CCSER1: variants seen among roughly 807,000 people sequenced by gnomAD.
The protein encoded by CCSER1 is coiled-coil serine rich protein 1.
CCSER1 carries 41 observed loss-of-function variants against 82.0 expected under a neutral mutation model. The ratio of observed to expected loss-of-function variants is 0.50; its 90% CI spans 0.39 to 0.65. The LOEUF (loss-of-function observed/expected upper bound fraction) is 0.65. CCSER1 is among the 30% of genes least tolerant of loss of function. The pLI is 0.00. For synonymous variants in CCSER1, 414 were observed against 383.9 expected (o/e 1.08, Z -0.92); for missense variants, 1,119 against 1,064.2 (o/e 1.05, Z -0.72).
At chr4:90,554,651 AG>A (rs1428553636) in intron 5 of CCSER1, among the ~76,000 whole-genome samples, 1 of 152,212 alleles carries the variant, frequency 6.6e-6, no homozygotes, top group Non-Finnish European at 1.5e-5. Flanking sequence ...CAGGAGCTAA[AG>A]TATAACGGAG....
chr4:91,172,671 C>A (rs1178335669), intron 10 of CCSER1, among the ~76,000 whole-genome samples: 2 of 152,098 alleles, frequency 1.3e-5, no homozygotes, highest in Non-Finnish European at 2.9e-5. Context: ...ACACGCGAGG[C>A]AGAAGCAATA....
chr4:90,148,604 C>G (rs982410171), intron 1 of CCSER1, among the ~76,000 whole-genome samples: 1 of 152,170 alleles, frequency 6.6e-6, no homozygotes, highest in Non-Finnish European at 1.5e-5. Flanking sequence ...CAACCAGGAA[C>G]AAAGCATTCC....
intron 8 of CCSER1, among the ~76,000 whole-genome samples, chr4:90,879,510 GAA>G (rs879837676): frequency 0.064 from 9,215 of 144,898 alleles, 556 homozygotes; most frequent in African/African-American, 0.17. Context: ...AGAAGAAGAA[GAA>G]GAAGAGGAAG....
At chr4:90,716,333 G>A (rs995664777) in intron 6 of CCSER1, among the ~76,000 whole-genome samples, 3 of 151,730 alleles carry the variant, frequency 2.0e-5, no homozygotes, top group South Asian at 4.2e-4. Context: ...TTATATCCAG[G>A]CATTTTTGTG....
At chr4:90,410,572 T>G (rs1192355583) in intron 4 of CCSER1, among the ~76,000 whole-genome samples, 2 of 152,176 alleles carry the variant, frequency 1.3e-5, no homozygotes, top group Non-Finnish European at 2.9e-5. Context: ...AGATGTTCTT[T>G]GAAACCAACG....
intron 10 of CCSER1, among the ~76,000 whole-genome samples, chr4:91,341,353 A>G (rs1219795264): frequency 6.6e-6 from 1 of 152,166 alleles, no homozygotes; most frequent in Non-Finnish European, 1.5e-5. Flanking sequence ...ATAGGGTGAT[A>G]TGCTTGGAAC....
rs973880599 is a variant in CCSER1, at chr4:90,431,658, G to T, written c.1603+31529G>T. Reference sequence around the variant, plus strand: ...TGACTTGTTGCTTTTTATTAGTGTAGCCCTAACGTTCACTCAGTATTTGTA... The same window carrying T: ...TGACTTGTTGCTTTTTATTAGTGTATCCCTAACGTTCACTCAGTATTTGTA... On this transcript the variant is annotated intron_variant, in intron 4 of 10. Coordinates refer to ENST00000509176, the MANE Select transcript of CCSER1 (RefSeq NM_001145065.2). Among the ~76,000 whole-genome samples, 6 of 152,068 alleles carry T rather than the reference G, an allele frequency of 3.9e-5. No homozygotes were observed. The East Asian group carries it at 9.6e-4, about 24-fold the overall frequency.
At chr4:91,352,175 TC>T (rs1748514080) in intron 10 of CCSER1, among the ~76,000 whole-genome samples, 1 of 152,266 alleles carries the variant, frequency 6.6e-6, no homozygotes, top group African/African-American at 2.4e-5. Context: ...TAGATTATTC[TC>T]TAAAGATTGT....
At chr4:91,267,623 T>G (rs1020837531) in intron 10 of CCSER1, among the ~76,000 whole-genome samples, 11 of 152,196 alleles carry the variant, frequency 7.2e-5, no homozygotes, top group South Asian at 2.1e-4. Context: ...GCATGCTGCT[T>G]CTTATTGTTG....
intron 10 of CCSER1, among the ~76,000 whole-genome samples, chr4:91,223,273 A>G (rs1737893478): frequency 6.6e-6 from 1 of 152,160 alleles, no homozygotes; most frequent in African/African-American, 2.4e-5. Flanking sequence ...GAAATCAAAT[A>G]AATTTTGAAG....
chr4:90,410,117 C>T (rs557404502), intron 4 of CCSER1, among the ~76,000 whole-genome samples: 4 of 152,164 alleles, frequency 2.6e-5, no homozygotes, highest in Admixed American at 6.5e-5. Context: ...ACAGGAGCAC[C>T]CAGATTCATA....
At chr4:91,144,433 G>A (rs72872913) in intron 10 of CCSER1, among the ~76,000 whole-genome samples, 6,041 of 151,596 alleles carry the variant, frequency 0.04, 363 homozygotes, top group African/African-American at 0.14. Context: ...TTGATCTTTT[G>A]TATGAATTTT....
At position 90,612,269 on chromosome 4, in the gene CCSER1, CATT is replaced by C. The variant is rs932288598; in HGVS notation, c.1725-15749_1725-15747del. Among the ~76,000 whole-genome samples the C allele has an allele frequency of 6.6e-5, 10 of 152,062 alleles. No individual in the cohort carries two copies. In the East Asian group the frequency reaches 1.2e-3, roughly 18 times the overall value. Reference sequence around the variant, plus strand: ...AACATTGGTGGAATACTAAAAAGATCATTATTATTTTTTAATGGTGGAAAGCAT... The same window carrying C: ...AACATTGGTGGAATACTAAAAAGATCATTATTTTTTAATGGTGGAAAGCAT... On this transcript the variant is annotated intron_variant, in intron 5 of 10. Coordinates refer to ENST00000509176, the MANE Select transcript of CCSER1 (RefSeq NM_001145065.2).
At chr4:90,221,451 C>T (rs1742139688) in intron 1 of CCSER1, among the ~76,000 whole-genome samples, 1 of 152,042 alleles carries the variant, frequency 6.6e-6, no homozygotes, top group Non-Finnish European at 1.5e-5. Flanking sequence ...AGACCTGTAC[C>T]AGGCATTTTC....
chr4:90,266,920 G>A (rs930296612), intron 1 of CCSER1, among the ~76,000 whole-genome samples: 1 of 151,782 alleles, frequency 6.6e-6, no homozygotes, highest in African/African-American at 2.4e-5. Context: ...GGACTTGGGG[G>A]CTATAAGGAG....
intron 8 of CCSER1, among the ~76,000 whole-genome samples, chr4:90,886,323 G>C (rs1217423126): frequency 6.6e-6 from 1 of 151,986 alleles, no homozygotes; most frequent in Non-Finnish European, 1.5e-5. Context: ...TCAGGCATCA[G>C]GTTCTGATTC....
At chr4:91,351,571 G>A (rs1748472905) in intron 10 of CCSER1, among the ~76,000 whole-genome samples, 1 of 152,006 alleles carries the variant, frequency 6.6e-6, no homozygotes, top group Non-Finnish European at 1.5e-5. Flanking sequence ...TGGGACGAGA[G>A]TTATGCCAAC....
At chr4:90,397,590 T>C (rs1248576475) in intron 3 of CCSER1, among the ~76,000 whole-genome samples, 1 of 152,216 alleles carries the variant, frequency 6.6e-6, no homozygotes, top group African/African-American at 2.4e-5. Context: ...ATTAAATCCA[T>C]AGCCCCTGTG....
intron 1 of CCSER1, among the ~76,000 whole-genome samples, chr4:90,231,118 T>A (rs1229525822): frequency 2.6e-5 from 4 of 152,012 alleles, no homozygotes; most frequent in Non-Finnish European, 4.4e-5. Context: ...CCTAACTCAT[T>A]TTATGAGGCC....
Sources: gnomAD v4.1 joint callset for allele counts (sites outside exome capture counted in the v4.1 genomes callset) on GRCh38, gnomAD v4.1.1 for gene constraint, MANE v1.5 for transcripts, NCBI Gene and HGNC (gene_info 2026-07-23, HGNC 2026-07-21) for gene names.